The following NCAPG2 variants were observed in gnomAD, a reference collection of about 807,000 sequenced individuals.
NCAPG2 encodes non-SMC condensin II complex subunit G2.
A neutral mutation model predicts 141.1 loss-of-function variants in NCAPG2; 53 were observed. That is an observed-to-expected ratio of 0.38 (90% confidence interval 0.30 to 0.47). The LOEUF (loss-of-function observed/expected upper bound fraction) is 0.47, where lower values mean the gene tolerates loss of function less well. Among genes scored for constraint, NCAPG2 ranks in the 20% least tolerant of loss-of-function variants. The pLI is 0.99. For missense variants in NCAPG2, 1,087 were observed against 1,389.0 expected, an observed-to-expected ratio of 0.78 and a Z score of 3.46; for synonymous variants, 499 against 490.7, an observed-to-expected ratio of 1.02 and a Z score of -0.22.
intron 24 of NCAPG2, 129 bp downstream of exon 24, chr7:158,650,703 G>T: frequency 8.4e-7 from 1 of 1,184,266 alleles, no homozygotes; most frequent in Non-Finnish European, 1.2e-6. Context: ...CTAGGAAAGT[G>T]CACCACTCAC....
chr7:158,651,833 T>G (rs1008817245), intron 23 of NCAPG2, among the ~76,000 whole-genome samples: 3 of 152,182 alleles, frequency 2.0e-5, no homozygotes, highest in Non-Finnish European at 4.4e-5. Flanking sequence ...TGACAGAAAT[T>G]AGCATTTCAC....
chr7:158,687,784 A>C (rs1454632468), intron 6 of NCAPG2, among the ~76,000 whole-genome samples: 2 of 152,232 alleles, frequency 1.3e-5, no homozygotes, highest in Non-Finnish European at 1.5e-5. Context: ...CAAATGAAAG[A>C]AAGCTTTAAA....
chr7:158,678,908 T>C (rs1166302950), intron 11 of NCAPG2, among the ~76,000 whole-genome samples: 1 of 152,192 alleles, frequency 6.6e-6, no homozygotes, highest in Non-Finnish European at 1.5e-5. Context: ...TGGGGTGCAG[T>C]TGTGTGATCA....
chr7:158,676,042 GT>G (rs1466616958), intron 11 of NCAPG2, among the ~76,000 whole-genome samples: 8 of 152,136 alleles, frequency 5.3e-5, no homozygotes, highest in Non-Finnish European at 7.3e-5. Flanking sequence ...AATTCTACTT[GT>G]AATGAACTAA....
chr7:158,698,975 C>T (rs1835626612), intron 2 of NCAPG2, among the ~76,000 whole-genome samples: 1 of 151,928 alleles, frequency 6.6e-6, no homozygotes, highest in Non-Finnish European at 1.5e-5. Flanking sequence ...ACTGTAGAGA[C>T]GGGGTCTTAC....
rs565901729 is a variant in NCAPG2 at position 158,675,726 on chromosome 7, G to T, written c.1147-70C>A. 5.4e-6 allele frequency: 8 copies of T among 1,481,276 alleles called. No homozygotes were observed. The Admixed American group carries it at 1.5e-4, about 27-fold the overall frequency. 91.8% of individuals were successfully genotyped at this position (1,481,276 alleles called of 1,614,324 possible). Reference sequence around the variant, plus strand: ...CCCGAAATCCACATCTGCTTCACACGTGAGCACTTCAGGGATTCGTAACTT... The same window carrying T: ...CCCGAAATCCACATCTGCTTCACACTTGAGCACTTCAGGGATTCGTAACTT... On this transcript the variant is annotated intron_variant, in intron 11 of 27. Transcript: ENST00000356309.
intron 2 of NCAPG2, among the ~76,000 whole-genome samples, chr7:158,693,851 C>A (rs1182438583): frequency 1.3e-5 from 2 of 152,200 alleles, no homozygotes; most frequent in Non-Finnish European, 2.9e-5. Context: ...CCCAAGTGGG[C>A]CCTCAACACC....
intron 15 of NCAPG2, 91 bp from the exon 16 acceptor site, chr7:158,662,458 A>C (rs1832588771): frequency 1.7e-6 from 2 of 1,148,102 alleles, no homozygotes; most frequent in Admixed American, 2.9e-5. Context: ...CTAAAGCAAA[A>C]ATGTAGAGAA....
chr7:158,701,770 T>C (rs1835809341), intron 2 of NCAPG2, 52 bp downstream of exon 2: 1 of 1,448,652 alleles, frequency 6.9e-7, no homozygotes, highest in Non-Finnish European at 9.7e-7. Flanking sequence ...CTTTAGAACA[T>C]ATTTCATATT....
chr7:158,696,014 C>T lies in NCAPG2; in HGVS notation c.79-2517G>A, dbSNP rs142324223. 1.6e-4 allele frequency: 24 copies of T among 152,374 alleles called. 1 individual carries two copies. Among genetic ancestry groups the T allele is most frequent in the African/African-American group, 5.3e-4 (22 of 41,586 alleles). 9.4% of individuals were successfully genotyped at this position (152,374 alleles called of 1,614,324 possible). ...AGTCTATATGCCCAGAGGGAGGTAT[C>T]CTCTTGTGACTGGCACAATGTGTAT... On this transcript the variant is annotated intron_variant, in intron 2 of 27. Transcript: ENST00000356309.
chr7:158,689,889 T>C lies in NCAPG2; in HGVS notation c.602A>G (p.Glu201Gly), dbSNP rs1020946371. Residue 201 changes from glutamate (E) to glycine (G), a missense_variant, in exon 6 of 28, where the codon GAG (glutamate) becomes GGG (glycine). Transcript: ENST00000356309. ...CATATCTTTAATTTCTCCACTTTCC[T>C]CCAAATCATAATCAAAGCAATATAA... is the stretch of plus-strand genomic sequence containing the variant. ...QALYCFDYDLEESGEIKDMLL... is the reference protein window; with the variant it reads ...QALYCFDYDLGESGEIKDMLL... 2 of 1,606,736 alleles carry C rather than the reference T, an allele frequency of 1.2e-6. No homozygotes were observed. The highest frequency in any genetic ancestry group is 2.2e-5 in the South Asian group (2 of 89,680).
chr7:158,655,302 G>C (rs748930054), intron 20 of NCAPG2, 37 bp downstream of exon 20: 26 of 1,614,080 alleles, frequency 1.6e-5, no homozygotes, highest in Non-Finnish European at 2.2e-5. Context: ...AAAGAGCACT[G>C]TGTATCATCC....
rs907407265 is a variant in NCAPG2 at position 158,693,042 on chromosome 7, T to A, written c.268-86A>T. On this transcript the variant is annotated intron_variant, in intron 3 of 27. Transcript: ENST00000356309. ...GCAGAAATTTCAGTTACAAATTTTC[T>A]AAAAATCAAGCCACAATTCTAGCTT... 2.0e-5 allele frequency: 20 copies of A among 1,021,226 alleles called. No individual in the cohort carries two copies. In the East Asian group the frequency reaches 2.5e-4, roughly 13 times the overall value. 63.3% of individuals were successfully genotyped at this position (1,021,226 alleles called of 1,614,324 possible). A position where few individuals can be genotyped will look rare whatever the true frequency, so the allele number is the denominator to read the frequency against.
chr7:158,690,859 CAA>C (rs1183624570), intron 4 of NCAPG2, 137 bp from the exon 5 acceptor site: 1 of 754,624 alleles, frequency 1.3e-6, no homozygotes, highest in African/African-American at 1.8e-5. Context: ...TTTAACTTGC[CAA>C]AGATTTATAT....
chr7:158,631,990 G>A (rs1295427108), intron 27 of NCAPG2, among the ~76,000 whole-genome samples: 1 of 152,058 alleles, frequency 6.6e-6, no homozygotes, highest in Non-Finnish European at 1.5e-5. Context: ...ACTGGGCAGT[G>A]TGCTATGCTG....
intron 4 of NCAPG2, 82 bp downstream of exon 4, chr7:158,692,760 A>C (rs1835208621): frequency 1.1e-6 from 1 of 940,386 alleles, no homozygotes; most frequent in Admixed American, 2.3e-5. Flanking sequence ...TAAATAAATG[A>C]ATGAATAAAT....
intron 16 of NCAPG2, among the ~76,000 whole-genome samples, chr7:158,660,173 C>T (rs1832370346): frequency 1.3e-5 from 2 of 151,790 alleles, no homozygotes; most frequent in Non-Finnish European, 1.5e-5. Context: ...ATCTGTGTGG[C>T]TCACCCATCA....
At chr7:158,636,269 G>A (rs2129455734) in intron 27 of NCAPG2, among the ~76,000 whole-genome samples, 1 of 152,212 alleles carries the variant, frequency 6.6e-6, no homozygotes, top group South Asian at 2.1e-4. Context: ...TAGTTAGCCT[G>A]AAACTAAGTA....
At chr7:158,693,739 G>A (rs534113961) in intron 2 of NCAPG2, among the ~76,000 whole-genome samples, 5 of 152,108 alleles carry the variant, frequency 3.3e-5, no homozygotes, top group African/African-American at 7.2e-5. Flanking sequence ...TCCCTAAAAG[G>A]GACCCAAATG....
Sources: allele counts gnomAD v4.1 joint callset (sites outside exome capture counted in the v4.1 genomes callset), GRCh38; gene constraint gnomAD v4.1.1; transcripts MANE v1.5; gene names NCBI Gene and HGNC (gene_info 2026-07-23, HGNC 2026-07-21).